Variants in LPAR3 observed in about 807,000 individuals in gnomAD.
LPAR3 encodes lysophosphatidic acid receptor 3.
A neutral mutation model predicts 17.8 loss-of-function variants in LPAR3; 7 were observed. The observed-to-expected ratio is 0.39, with a 90% CI of 0.22 to 0.74. The LOEUF is 0.74. LPAR3 is among the 30% of genes least tolerant of loss of function. The pLI is 0.40. For synonymous variants in LPAR3, 179 were observed against 179.9 expected (o/e 0.99, Z 0.04); for missense variants, 391 against 453.4 (o/e 0.86, Z 1.25).
At chr1:84,845,286 C>A (rs1301197879) in intron 2 of LPAR3, among the ~76,000 whole-genome samples, 1 of 152,192 alleles carries the variant, frequency 6.6e-6, no homozygotes, top group Admixed American at 6.5e-5. Context: ...TGTTAGCATT[C>A]TACCTGTATT....
intron 1 of LPAR3, among the ~76,000 whole-genome samples, chr1:84,873,754 G>GTTTTT (rs774761348): frequency 7.3e-6 from 1 of 137,530 alleles, no homozygotes. Context: ...TGTTTTGCTT[G>GTTTTT]TTTGTTTTTT....
At chr1:84,892,449 C>T (rs911001534) in intron 1 of LPAR3, among the ~76,000 whole-genome samples, 2 of 152,102 alleles carry the variant, frequency 1.3e-5, no homozygotes, top group African/African-American at 4.8e-5. Context: ...ACTTTTGTCT[C>T]GTGGTGGTGA....
At chr1:84,834,470 C>T (rs1460620378) in intron 2 of LPAR3, among the ~76,000 whole-genome samples, 2 of 152,172 alleles carry the variant, frequency 1.3e-5, no homozygotes, top group Non-Finnish European at 2.9e-5. Context: ...GGAAAATCAA[C>T]TTTACTGTTC....
At position 84,813,733 on chromosome 1, in the gene LPAR3, G is replaced by T; in HGVS notation, c.*113C>A. ...AAATTTTTTAAAGAAATCTAGCAGT[G>T]ATTAATGGAGACCTCAAATAACACT... On this transcript the variant is annotated 3_prime_UTR_variant, in exon 3 of 3. Transcript: ENST00000370611. The T allele has an allele frequency of 1.1e-6, 1 of 872,484 alleles. No homozygotes were observed. The highest frequency in any genetic ancestry group is 1.7e-6 in the Non-Finnish European group (1 of 578,838). The allele number at this position is 872,484 out of a possible 1,614,324, so 54.0% of individuals were successfully genotyped here.
intron 2 of LPAR3, among the ~76,000 whole-genome samples, chr1:84,829,823 C>T (rs377518308): frequency 4.6e-5 from 7 of 152,154 alleles, no homozygotes; most frequent in East Asian, 1.9e-4. Context: ...AAGCAGAAAG[C>T]GGCCAAGTAA....
intron 2 of LPAR3, among the ~76,000 whole-genome samples, chr1:84,849,645 G>C (rs1659664537): frequency 6.6e-6 from 1 of 152,140 alleles, no homozygotes; most frequent in Non-Finnish European, 1.5e-5. Flanking sequence ...CAGTTGCTAA[G>C]ATAACTGGAA....
intron 2 of LPAR3, among the ~76,000 whole-genome samples, chr1:84,817,443 A>G (rs910030352): frequency 6.6e-6 from 1 of 152,184 alleles, no homozygotes; most frequent in African/African-American, 2.4e-5. Flanking sequence ...AAACCCCCTC[A>G]AAGTATGAAC....
intron 2 of LPAR3, among the ~76,000 whole-genome samples, chr1:84,858,887 T>C (rs536928093): frequency 5.3e-5 from 8 of 152,354 alleles, no homozygotes; most frequent in East Asian, 3.9e-4. Context: ...TAATCAGATT[T>C]ACTCCAGTAG....
intron 2 of LPAR3, among the ~76,000 whole-genome samples, chr1:84,817,085 T>G (rs1401154805): frequency 1.3e-5 from 2 of 151,420 alleles, no homozygotes; most frequent in Non-Finnish European, 3.0e-5. Context: ...TGCTGAGAAT[T>G]TTTTTTTTAA....
chr1:84,835,261 C>A (rs543434470), intron 2 of LPAR3, among the ~76,000 whole-genome samples: 1 of 152,322 alleles, frequency 6.6e-6, no homozygotes, highest in South Asian at 2.1e-4. Context: ...TTCTCCAACT[C>A]TGGATTCTAC....
chr1:84,814,538 T>C (rs554232725), intron 2 of LPAR3, among the ~76,000 whole-genome samples: 2 of 152,278 alleles, frequency 1.3e-5, no homozygotes, highest in South Asian at 2.1e-4. Flanking sequence ...ATTGGACAGA[T>C]AAGAAAACCA....
At chr1:84,851,418 C>G (rs1237694060) in intron 2 of LPAR3, among the ~76,000 whole-genome samples, 2 of 152,146 alleles carry the variant, frequency 1.3e-5, no homozygotes, top group Non-Finnish European at 2.9e-5. Context: ...TTACTGAGTG[C>G]CTACTGTGTG....
intron 2 of LPAR3, among the ~76,000 whole-genome samples, chr1:84,859,641 TC>T: frequency 6.6e-6 from 1 of 152,318 alleles, no homozygotes; most frequent in East Asian, 1.9e-4. Flanking sequence ...TCTGACATTT[TC>T]TCTTCTTTTT....
chr1:84,864,793 A>G (rs1043569565), intron 2 of LPAR3, among the ~76,000 whole-genome samples: 1 of 152,068 alleles, frequency 6.6e-6, no homozygotes, highest in African/African-American at 2.4e-5. Context: ...GCAAAAAAAG[A>G]AAAAAGAAAA....
Position 84,824,122 on chromosome 1 carries a change from T to C in LPAR3, c.737-9951A>G, listed in dbSNP as rs376532022. ...GAAACATTTTGAAAGGACTACAGCA[T>C]TGGGCATTGCACAAGAAACTTGACC... is the stretch of plus-strand genomic sequence containing the variant. On this transcript the variant is annotated intron_variant, in intron 2 of 2. Coordinates refer to ENST00000370611, the MANE Select transcript of LPAR3 (RefSeq NM_012152.3). Among the ~76,000 whole-genome samples the C allele has an allele frequency of 8.5e-5, 13 of 152,310 alleles. No individual in the cohort carries two copies. The East Asian group carries it at 1.4e-3, about 16-fold the overall frequency.
At chr1:84,867,211 G>A (rs1660068031) in intron 1 of LPAR3, among the ~76,000 whole-genome samples, 1 of 152,200 alleles carries the variant, frequency 6.6e-6, no homozygotes, top group Non-Finnish European at 1.5e-5. Flanking sequence ...TCTACACGTG[G>A]TGGGGAAAAC....
chr1:84,861,027 C>T (rs1012072722), intron 2 of LPAR3, among the ~76,000 whole-genome samples: 1 of 152,094 alleles, frequency 6.6e-6, no homozygotes, highest in East Asian at 1.9e-4. Context: ...GCGTGAGCCA[C>T]CACACCTGGA....
At chr1:84,892,216 A>T (rs553080901) in intron 1 of LPAR3, among the ~76,000 whole-genome samples, 18 of 72,650 alleles carry the variant, frequency 2.5e-4, no homozygotes, top group Non-Finnish European at 4.6e-4. Context: ...GTGTCTCAAA[A>T]ATAAATAAAT....
intron 2 of LPAR3, among the ~76,000 whole-genome samples, chr1:84,848,948 C>T (rs1255662766): frequency 6.6e-6 from 1 of 152,258 alleles, no homozygotes; most frequent in South Asian, 2.1e-4. Context: ...CATCTTTCAA[C>T]AGAACAGTAC....
Sources: allele counts gnomAD v4.1 joint callset (sites outside exome capture counted in the v4.1 genomes callset), GRCh38; gene constraint gnomAD v4.1.1; transcripts MANE v1.5; gene names NCBI Gene and HGNC (gene_info 2026-07-23, HGNC 2026-07-21).